Variants in DCBLD1 observed in about 807,000 individuals in gnomAD.
DCBLD1 encodes discoidin, CUB and LCCL domain containing 1.
DCBLD1 carries 57 observed loss-of-function variants against 71.5 expected under a neutral mutation model. The observed-to-expected ratio is 0.80, with a 90% confidence interval of 0.64 to 0.99. The LOEUF is 0.99. DCBLD1 is among the 50% of genes least tolerant of loss of function. The probability of loss-of-function intolerance (pLI) is 0.00; values close to 1 mark genes in which losing one functional copy is unlikely to be tolerated. For synonymous variants in DCBLD1, 380 were observed against 363.8 expected (o/e 1.04, Z -0.51); for missense variants, 891 against 923.5 (o/e 0.96, Z 0.46).
intron 2 of DCBLD1, among the ~76,000 whole-genome samples, chr6:117,518,654 A>G (rs796945344): frequency 7.9e-5 from 12 of 152,308 alleles, no homozygotes; most frequent in African/African-American, 2.6e-4. Context: ...CATGTCTCAT[A>G]TGGTGGCAGA....
At chr6:117,554,633 G>A (rs1291891986), downstream of DCBLD1, among the ~76,000 whole-genome samples, 1 of 152,190 alleles carries the variant, frequency 6.6e-6, no homozygotes, top group East Asian at 1.9e-4. Context: ...AGTGGCTCAT[G>A]CCTGTAATCC....
intron 2 of DCBLD1, among the ~76,000 whole-genome samples, chr6:117,517,660 C>A (rs1439170976): frequency 6.6e-6 from 1 of 152,234 alleles, no homozygotes; most frequent in Non-Finnish European, 1.5e-5. Context: ...GGTTCCCAAA[C>A]CCCAATTCTT....
intron 7 of DCBLD1, 62 bp from the exon 8 acceptor site, chr6:117,538,558 C>CT (rs879096093): frequency 5.8e-3 from 7,158 of 1,225,036 alleles, no homozygotes; most frequent in Non-Finnish European, 6.6e-3. Flanking sequence ...TGTGGTACTA[C>CT]TTTTTTTTTT....
intron 7 of DCBLD1, among the ~76,000 whole-genome samples, chr6:117,537,475 A>G (rs1204662315): frequency 3.3e-5 from 5 of 151,288 alleles, no homozygotes; most frequent in Non-Finnish European, 4.4e-5. Flanking sequence ...CGGAGCTTGC[A>G]GTGAGCTGAG....
intron 2 of DCBLD1, among the ~76,000 whole-genome samples, chr6:117,513,621 G>T (rs1778094211): frequency 6.6e-6 from 1 of 152,208 alleles, no homozygotes; most frequent in African/African-American, 2.4e-5. Flanking sequence ...AGAAGTGAGA[G>T]AATAGTAGGA....
intron 14 of DCBLD1, chr6:117,569,504 G>T (rs1225379686): frequency 1.3e-6 from 2 of 1,568,026 alleles, no homozygotes; most frequent in East Asian, 4.8e-5. Flanking sequence ...TCGTAGGGAA[G>T]TATACAGTGT....
chr6:117,493,625 C>T (rs1025356030), intron 1 of DCBLD1, among the ~76,000 whole-genome samples: 2 of 152,128 alleles, frequency 1.3e-5, no homozygotes, highest in African/African-American at 4.8e-5. Flanking sequence ...TGAGATTGGG[C>T]AATGTCTTAA....
In DCBLD1 at chr6:117,538,730, C is replaced by G. The variant is rs201951416; in HGVS notation, c.871C>G (p.Arg291Gly). The change falls in exon 8 of 15, where the codon CGA (arginine) becomes GGA (glycine). Residue 291 changes from arginine (R) to glycine (G), a missense_variant. Arg to Gly is a moderately radical substitution (Grantham distance 125, BLOSUM62 -2). Transcript: ENST00000338728. The stretch of plus-strand genomic sequence containing the variant: ...AGTTCACTGGTCTCCTGGCCAAGCC[C>G]GACTTCAGGACCAAGGCCCATCATG... ...DQVHWSPGQA[R>G]LQDQGPSWAS... 2 of 1,613,958 alleles carry G rather than the reference C, an allele frequency of 1.2e-6. No individual in the cohort carries two copies. Among genetic ancestry groups the G allele is most frequent in the Non-Finnish European group, 1.7e-6 (2 of 1,180,004 alleles).
At chr6:117,521,062 T>C (rs1778368126) in intron 3 of DCBLD1, among the ~76,000 whole-genome samples, 3 of 152,230 alleles carry the variant, frequency 2.0e-5, no homozygotes, top group Non-Finnish European at 4.4e-5. Flanking sequence ...TGAAAGCTTA[T>C]ATGCTGTAGG....
At chr6:117,508,722 T>G (rs939595527) in intron 2 of DCBLD1, among the ~76,000 whole-genome samples, 1 of 152,174 alleles carries the variant, frequency 6.6e-6, no homozygotes, top group Non-Finnish European at 1.5e-5. Context: ...TCAATAAGGT[T>G]GGGTCCGAGT....
At chr6:117,525,005 A>G (rs1238152593) in intron 4 of DCBLD1, among the ~76,000 whole-genome samples, 1 of 152,134 alleles carries the variant, frequency 6.6e-6, no homozygotes, top group Non-Finnish European at 1.5e-5. Flanking sequence ...AAATTGTTAC[A>G]TATTTTAAAC....
chr6:117,555,337 A>G (rs542361664), intron 14 of DCBLD1, among the ~76,000 whole-genome samples: 1 of 151,748 alleles, frequency 6.6e-6, no homozygotes, highest in Non-Finnish European at 1.5e-5. Flanking sequence ...TTTAGTCAGC[A>G]GTTTGCCTTT....
rs571992857 is a variant in DCBLD1 at position 117,545,466 on chromosome 6, C to T, written c.1496-12C>T. On this transcript the variant is annotated splice_polypyrimidine_tract_variant and intron_variant, in intron 13 of 14. Coordinates refer to ENST00000338728, the MANE Select transcript of DCBLD1 (RefSeq NM_001366458.2). ...TGACATATTCATTTGGTTTATGTTA[C>T]CTTTATTCCAGACTGTTGGAAGCAG... 51 of 1,612,990 alleles carry T rather than the reference C, an allele frequency of 3.2e-5. No homozygotes were observed. The highest frequency in any genetic ancestry group is 1.5e-4 in the South Asian group (14 of 90,842).
At chr6:117,521,427 C>CT (rs1778380561) in intron 3 of DCBLD1, 98 bp from the exon 4 acceptor site, 3 of 1,048,618 alleles carry the variant, frequency 2.9e-6, no homozygotes, top group Non-Finnish European at 4.1e-6. Flanking sequence ...TGAATAAATG[C>CT]TTTTTAAAAA....
chr6:117,557,582 G>A (rs1779510746), intron 14 of DCBLD1, among the ~76,000 whole-genome samples: 1 of 152,024 alleles, frequency 6.6e-6, no homozygotes, highest in African/African-American at 2.4e-5. Flanking sequence ...TGGCCAACAT[G>A]GTGAAACCCC....
At chr6:117,510,031 C>T (rs1777965066) in intron 2 of DCBLD1, among the ~76,000 whole-genome samples, 1 of 152,150 alleles carries the variant, frequency 6.6e-6, no homozygotes, top group African/African-American at 2.4e-5. Flanking sequence ...AGTCTCAGTT[C>T]CTTCCAGGCC....
chr6:117,537,078 A>T, intron 6 of DCBLD1, 107 bp from the exon 7 acceptor site: 1 of 1,060,046 alleles, frequency 9.4e-7, no homozygotes, highest in Non-Finnish European at 1.5e-6. Flanking sequence ...AGGATCATGT[A>T]AGGAAGCACA....
chr6:117,568,393 C>T (rs1183992508), intron 14 of DCBLD1, among the ~76,000 whole-genome samples: 2 of 152,146 alleles, frequency 1.3e-5, no homozygotes, highest in African/African-American at 4.8e-5. Flanking sequence ...CTCTTTGGTG[C>T]TCTTCTTTCC....
chr6:117,531,067 CTAAAT>C (rs1778702608), intron 5 of DCBLD1, among the ~76,000 whole-genome samples: 1 of 152,074 alleles, frequency 6.6e-6, no homozygotes, highest in Admixed American at 6.6e-5. Flanking sequence ...TATGAACTCT[CTAAAT>C]TGAATATCAC....
Sources: gnomAD v4.1 joint callset for allele counts (sites outside exome capture counted in the v4.1 genomes callset) on GRCh38, gnomAD v4.1.1 for gene constraint, MANE v1.5 for transcripts, NCBI Gene and HGNC (gene_info 2026-07-23, HGNC 2026-07-21) for gene names.